Variants in NFIB observed in about 807,000 individuals in gnomAD.
NFIB encodes nuclear factor 1 B-type.
In NFIB, 11 loss-of-function variants were observed where a neutral mutation model predicts 61.5. The observed-to-expected ratio is 0.18, with a 90% CI of 0.11 to 0.30. The LOEUF is 0.30. Among genes scored for constraint, NFIB ranks in the 10% least tolerant of loss-of-function variants. NFIB has a pLI of 1.00. For missense variants in NFIB, 471 were observed against 608.9 expected, an observed-to-expected ratio of 0.77 and a Z score of 2.38; for synonymous variants, 260 against 216.5, an observed-to-expected ratio of 1.20 and a Z score of -1.76.
intron 2 of NFIB, among the ~76,000 whole-genome samples, chr9:14,283,924 G>C (rs1482437980): frequency 6.6e-6 from 1 of 152,178 alleles, no homozygotes; most frequent in Non-Finnish European, 1.5e-5. Context: ...GATCTCATGA[G>C]AGTTCTCTAA....
intron 2 of NFIB, among the ~76,000 whole-genome samples, chr9:14,240,436 G>A (rs564827378): frequency 3.2e-4 from 48 of 152,206 alleles, no homozygotes; most frequent in African/African-American, 1.1e-3. Context: ...AATGTGCATC[G>A]CATTATAAAT....
At chr9:14,470,982 A>G in the NFIB span, among the ~76,000 whole-genome samples, 1 of 152,202 alleles carries the variant, frequency 6.6e-6, no homozygotes, top group South Asian at 2.1e-4. Flanking sequence ...CTGACCTTGG[A>G]CCTGAAATGG....
the NFIB span, among the ~76,000 whole-genome samples, chr9:14,522,327 C>T: frequency 3.9e-5 from 6 of 152,234 alleles, no homozygotes; most frequent in South Asian, 6.2e-4. Flanking sequence ...ATTCATGCTA[C>T]GTAAACATGT....
At chr9:14,431,341 G>T in the NFIB span, among the ~76,000 whole-genome samples, 1 of 152,084 alleles carries the variant, frequency 6.6e-6, no homozygotes, top group Non-Finnish European at 1.5e-5. Flanking sequence ...CTGGATTGTA[G>T]TCTACTTAAT....
chr9:14,230,806 C>G (rs2053036344), intron 2 of NFIB, among the ~76,000 whole-genome samples: 1 of 151,960 alleles, frequency 6.6e-6, no homozygotes, highest in Admixed American at 6.6e-5. Context: ...TGGGTAAAAT[C>G]CAGATCAAAC....
intron 1 of NFIB, chr9:14,321,884 G>A (rs2060669915): frequency 8.1e-7 from 1 of 1,231,280 alleles, no homozygotes; most frequent in African/African-American, 1.6e-5. Flanking sequence ...GGATAGGAGG[G>A]GGTGCAAAGA....
At chr9:14,093,034 A>T (rs1372709744) in intron 10 of NFIB, among the ~76,000 whole-genome samples, 1 of 152,024 alleles carries the variant, frequency 6.6e-6, no homozygotes, top group Non-Finnish European at 1.5e-5. Flanking sequence ...GCCAAAAAGA[A>T]TTGGGCCCTT....
chr9:14,226,173 C>G (rs896289640), intron 2 of NFIB, among the ~76,000 whole-genome samples: 3 of 151,790 alleles, frequency 2.0e-5, no homozygotes, highest in East Asian at 1.9e-4. Context: ...AGATACGGAT[C>G]ATCTCCCTTT....
At chr9:14,337,821 A>T (rs2132865338) in intron 1 of NFIB, among the ~76,000 whole-genome samples, 1 of 152,318 alleles carries the variant, frequency 6.6e-6, no homozygotes, top group South Asian at 2.1e-4. Context: ...TGTTTCAGAC[A>T]CTGATGCTGT....
the NFIB span, among the ~76,000 whole-genome samples, chr9:14,420,524 C>T: frequency 2.0e-5 from 3 of 150,932 alleles, no homozygotes; most frequent in African/African-American, 7.3e-5. Flanking sequence ...ACCAACCCCC[C>T]AAATATTTTC....
At chr9:14,301,203 G>A (rs2059730537) in intron 2 of NFIB, among the ~76,000 whole-genome samples, 4 of 152,150 alleles carry the variant, frequency 2.6e-5, no homozygotes, top group African/African-American at 9.7e-5. Flanking sequence ...CACTATAACT[G>A]TGCCTATCAG....
Position 14,111,526 on chromosome 9 carries a change from T to C in NFIB, c.1467+1473A>G, listed in dbSNP as rs150214848. ...CATGAGAAAAATATTCCTGAGAATA[T>C]GTGTAATGATTTTTAAAAGAACAAG... On this transcript the variant is annotated intron_variant, in intron 10 of 10. Coordinates refer to ENST00000380953, the MANE Select transcript of NFIB (RefSeq NM_001190737.2). Among the ~76,000 whole-genome samples the C allele has an allele frequency of 5.3e-3, 804 of 152,332 alleles. 21 individuals are homozygous for C. The highest frequency in any genetic ancestry group is 0.042 in the Admixed American group (643 of 15,306).
Position 14,113,097 on chromosome 9 carries a change from C to G in NFIB, c.1385-16G>C, listed in dbSNP as rs1259882880. On this transcript the variant is annotated splice_polypyrimidine_tract_variant and intron_variant, in intron 9 of 10. Transcript: ENST00000380953. ...GCTGTGTAGGCTGATTAAGGAAGAA[C>G]AAAAACAAAGATAAAAATTGTGAAC... is the stretch of plus-strand genomic sequence containing the variant. 6.5e-7 allele frequency: 1 copy of G among 1,543,018 alleles called. No homozygotes were observed. The highest frequency in any genetic ancestry group is 8.7e-7 in the Non-Finnish European group (1 of 1,143,554).
intron 6 of NFIB, among the ~76,000 whole-genome samples, chr9:14,141,924 AAAC>A (rs1226669539): frequency 0.01 from 969 of 92,982 alleles, 29 homozygotes; most frequent in African/African-American, 0.041. Context: ...AAAAAAAAAA[AAAC>A]AACGAAATCC....
chr9:14,321,466 G>A (rs894912815), intron 1 of NFIB, among the ~76,000 whole-genome samples: 2 of 152,178 alleles, frequency 1.3e-5, no homozygotes, highest in Non-Finnish European at 2.9e-5. Flanking sequence ...GAGTTAAATA[G>A]TACTTCTTTC....
chr9:14,100,433 G>T (rs1006070637), intron 10 of NFIB, among the ~76,000 whole-genome samples: 1 of 152,184 alleles, frequency 6.6e-6, no homozygotes, highest in African/African-American at 2.4e-5. Context: ...CTGTGGCCGG[G>T]CGCGGTGGCT....
chr9:14,269,015 G>T (rs1016929841), intron 2 of NFIB, among the ~76,000 whole-genome samples: 14 of 152,056 alleles, frequency 9.2e-5, no homozygotes, highest in African/African-American at 3.4e-4. Flanking sequence ...ATTGTTTCAT[G>T]TAGTCCTTGT....
chr9:14,478,994 A>G, the NFIB span, among the ~76,000 whole-genome samples: 11 of 152,238 alleles, frequency 7.2e-5, no homozygotes, highest in African/African-American at 2.7e-4. Flanking sequence ...AGTTGCTGGC[A>G]TATTACATCA....
chr9:14,329,640 G>T (rs553638908), intron 1 of NFIB, among the ~76,000 whole-genome samples: 1 of 151,556 alleles, frequency 6.6e-6, no homozygotes, highest in Non-Finnish European at 1.5e-5. Context: ...TCAGCCTCCC[G>T]AGCAGCTGAG....
Sources: gnomAD v4.1 joint callset for allele counts (sites outside exome capture counted in the v4.1 genomes callset) on GRCh38, gnomAD v4.1.1 for gene constraint, MANE v1.5 for transcripts, NCBI Gene and HGNC (gene_info 2026-07-23, HGNC 2026-07-21) for gene names.